SF3A3: variants seen among roughly 807,000 people sequenced by gnomAD.
SF3A3 encodes the protein splicing factor 3a subunit 3, also known as SAP 61.
In SF3A3, 9 loss-of-function variants were observed where a neutral mutation model predicts 85.8. The ratio of observed to expected loss-of-function variants is 0.10; its 90% CI spans 0.06 to 0.18. The LOEUF is 0.18. SF3A3 is among the 10% of genes least tolerant of loss of function. The pLI is 1.00. For synonymous variants in SF3A3, 195 were observed against 204.4 expected (o/e 0.95, Z 0.39); for missense variants, 306 against 593.3 (o/e 0.52, Z 5.03).
intron 15 of SF3A3, among the ~76,000 whole-genome samples, chr1:37,967,677 CAAAAAAAAAAAAAAAAAA>C (rs34369006): frequency 1.6e-4 from 7 of 44,276 alleles, no homozygotes; most frequent in African/African-American, 3.7e-4. Flanking sequence ...GACTCCGTCA[CAAAAAAAAAAAAAAAAAA>C]AAAAAAAAAA....
At chr1:37,984,901 G>C in intron 4 of SF3A3, 122 bp from the exon 5 acceptor site, 1 of 732,712 alleles carries the variant, frequency 1.4e-6, no homozygotes, top group East Asian at 2.7e-5. Flanking sequence ...TCTACCTCCC[G>C]GGTTCAAGCG....
At chr1:37,979,419 A>C in intron 9 of SF3A3, 46 bp downstream of exon 9, 1 of 1,440,954 alleles carries the variant, frequency 6.9e-7, no homozygotes, top group Non-Finnish European at 9.7e-7. Context: ...CTTTAAAGAC[A>C]GAAAAATAGA....
chr1:37,974,202 C>A (rs925613762), intron 12 of SF3A3, among the ~76,000 whole-genome samples: 1 of 151,330 alleles, frequency 6.6e-6, no homozygotes, highest in Admixed American at 6.6e-5. Context: ...ACACGTTGTG[C>A]ACATGTACCC....
rs371948110 is a variant in SF3A3, at chr1:37,987,793, T to C, written c.188A>G (p.Asp63Gly). ...VSGNLRDLYD[D>G]KDGLRKEELN... ...TGTGACTGTCACTTACCCATCCTTA[T>C]CATCATACAAATCCCTCAGGTTCCC... Residue 63 changes from aspartate (D) to glycine (G), a missense_variant, in exon 3 of 17, where the codon GAT (aspartate) becomes GGT (glycine). Asp to Gly is a moderately conservative substitution (Grantham distance 94). Transcript: ENST00000373019. 3.7e-6 allele frequency: 6 copies of C among 1,613,406 alleles called. No homozygotes were observed. Among genetic ancestry groups the C allele is most frequent in the South Asian group, 1.1e-5 (1 of 91,060 alleles).
intron 2 of SF3A3, among the ~76,000 whole-genome samples, 167 bp from the exon 3 acceptor site, chr1:37,988,003 C>T (rs1646467830): frequency 6.6e-6 from 1 of 152,164 alleles, no homozygotes; most frequent in East Asian, 1.9e-4. Flanking sequence ...GCCCTGATTC[C>T]TGGTTAGTTT....
chr1:37,966,227 T>TA (rs1412867019), intron 15 of SF3A3, among the ~76,000 whole-genome samples: 1 of 136,034 alleles, frequency 7.4e-6, no homozygotes, highest in African/African-American at 2.6e-5. Flanking sequence ...ATAAATTAAT[T>TA]AATTAAATTA....
intron 6 of SF3A3, among the ~76,000 whole-genome samples, chr1:37,982,024 A>G (rs1418776239): frequency 6.6e-6 from 1 of 152,090 alleles, no homozygotes; most frequent in South Asian, 2.1e-4. Flanking sequence ...ATCAGACATA[A>G]TAACTTTACA....
chr1:37,976,950 G>A lies in SF3A3; in HGVS notation c.939C>T (p.Asp313=), dbSNP rs982747872. The change falls in exon 12 of 17, where the codon GAC becomes GAT. Residue 313 remains aspartate, a synonymous_variant. Transcript: ENST00000373019. ...AAGCAATGTCTTTGTTCCTTTCAGT[G>A]TCTCTGAGAAAAAGAAACAAGCTGT... ...KNPKSKGTKR[D]TERNKDIAFL... The A allele has an allele frequency of 5.0e-6, 8 of 1,606,424 alleles. No individual in the cohort carries two copies. Among genetic ancestry groups the A allele is most frequent in the Non-Finnish European group, 6.0e-6 (7 of 1,173,388 alleles).
chr1:37,978,377 T>C (rs1646394429), intron 11 of SF3A3, among the ~76,000 whole-genome samples: 1 of 151,530 alleles, frequency 6.6e-6, no homozygotes, highest in African/African-American at 2.4e-5. Context: ...CTTGTATAAG[T>C]ATGTAGCTCA....
At chr1:37,970,956 C>T (rs1315571287) in intron 12 of SF3A3, among the ~76,000 whole-genome samples, 1 of 151,850 alleles carries the variant, frequency 6.6e-6, no homozygotes, top group Non-Finnish European at 1.5e-5. Context: ...ACTAGAGAAG[C>T]AAGAGCAAAC....
At chr1:37,976,766 A>C (rs1646382245) in intron 12 of SF3A3, 118 bp downstream of exon 12, 2 of 716,404 alleles carry the variant, frequency 2.8e-6, no homozygotes, top group African/African-American at 3.5e-5. Context: ...GTGCCATACT[A>C]GTTTATCAGC....
chr1:37,979,155 C>A, intron 9 of SF3A3, 100 bp from the exon 10 acceptor site: 1 of 915,920 alleles, frequency 1.1e-6, no homozygotes, highest in Middle Eastern at 2.7e-4. Flanking sequence ...TGTGGCAGGA[C>A]CACACATTTC....
chr1:37,983,256 TAAAAA>T (rs71057113), intron 6 of SF3A3, among the ~76,000 whole-genome samples: 8 of 121,490 alleles, frequency 6.6e-5, no homozygotes, highest in African/African-American at 1.6e-4. Flanking sequence ...GGTATTTATT[TAAAAA>T]AAAAAAAAAA....
chr1:37,959,284 GC>G (rs1570450238), intron 16 of SF3A3, among the ~76,000 whole-genome samples: 1 of 152,092 alleles, frequency 6.6e-6, no homozygotes, highest in East Asian at 1.9e-4. Flanking sequence ...TCACCATGTT[GC>G]CCAGGCTGGT....
intron 12 of SF3A3, among the ~76,000 whole-genome samples, chr1:37,976,211 A>T (rs942287662): frequency 1.3e-5 from 2 of 151,388 alleles, no homozygotes; most frequent in Non-Finnish European, 2.9e-5. Context: ...TGGTCTTCTG[A>T]AGGACTCCAG....
intron 6 of SF3A3, among the ~76,000 whole-genome samples, chr1:37,982,443 TCAC>T (rs1237883456): frequency 1.3e-5 from 2 of 151,716 alleles, no homozygotes; most frequent in East Asian, 1.9e-4. Context: ...TGATCTCGGC[TCAC>T]CACAACCTCC....
intron 15 of SF3A3, among the ~76,000 whole-genome samples, chr1:37,964,640 TAAAA>T (rs570909159): frequency 5.1e-4 from 78 of 151,718 alleles, no homozygotes; most frequent in Middle Eastern, 3.4e-3. Flanking sequence ...TGAAATGAAA[TAAAA>T]AAAGAAGTAA....
intron 12 of SF3A3, among the ~76,000 whole-genome samples, chr1:37,973,522 C>T (rs1273753066): frequency 2.6e-5 from 4 of 152,264 alleles, no homozygotes; most frequent in African/African-American, 9.6e-5. Flanking sequence ...AAATCAAAAC[C>T]ACAATGAGAT....
chr1:37,988,089 C>A (rs908786364), intron 2 of SF3A3, among the ~76,000 whole-genome samples: 1 of 152,190 alleles, frequency 6.6e-6, no homozygotes, highest in Non-Finnish European at 1.5e-5. Context: ...CTAAATGATA[C>A]ATTTAAGGGG....
Sources: gnomAD v4.1 joint callset for allele counts (sites outside exome capture counted in the v4.1 genomes callset) on GRCh38, gnomAD v4.1.1 for gene constraint, MANE v1.5 for transcripts, NCBI Gene and HGNC (gene_info 2026-07-23, HGNC 2026-07-21) for gene names.